The following PCSK6 variants were observed in gnomAD, a reference collection of about 807,000 sequenced individuals.
PCSK6 encodes the protein proprotein convertase subtilisin/kexin type 6.
Under a neutral mutation model 123.3 loss-of-function variants are expected in PCSK6, and 85 were observed. The ratio of observed to expected loss-of-function variants is 0.69; its 90% confidence interval spans 0.58 to 0.83. PCSK6 has a LOEUF of 0.83. PCSK6 is among the 40% of genes least tolerant of loss of function. PCSK6 has a pLI of 0.00. For synonymous variants in PCSK6, 508 were observed against 516.0 expected (o/e 0.98, Z 0.21); for missense variants, 1,191 against 1,282.3 (o/e 0.93, Z 1.09).
chr15:101,352,028 A>G (rs1365809274), intron 13 of PCSK6, among the ~76,000 whole-genome samples: 2 of 151,974 alleles, frequency 1.3e-5, no homozygotes, highest in Non-Finnish European at 2.9e-5. Flanking sequence ...AACATTTACT[A>G]TCTGACCCTT....
At chr15:101,375,864 G>A (rs1375340082) in intron 11 of PCSK6, among the ~76,000 whole-genome samples, 2 of 152,028 alleles carry the variant, frequency 1.3e-5, no homozygotes, top group East Asian at 1.9e-4. Context: ...GTGAAAGCCC[G>A]TCTCTACTAA....
chr15:101,404,438 G>A (rs2042707757), intron 6 of PCSK6, among the ~76,000 whole-genome samples: 1 of 152,150 alleles, frequency 6.6e-6, no homozygotes, highest in South Asian at 2.1e-4. Flanking sequence ...CATCTCCATG[G>A]CTGTGTCAGG....
intron 1 of PCSK6, among the ~76,000 whole-genome samples, chr15:101,488,948 T>C (rs1345385420): frequency 2.0e-4 from 29 of 146,370 alleles, no homozygotes; most frequent in African/African-American, 6.8e-4. Context: ...GAGGGGCCGC[T>C]CCCCCGCGGG....
At chr15:101,420,093 A>G (rs921798280) in intron 6 of PCSK6, among the ~76,000 whole-genome samples, 2 of 150,166 alleles carry the variant, frequency 1.3e-5, no homozygotes, top group Non-Finnish European at 3.0e-5. Flanking sequence ...CGGGAGGCTG[A>G]GGCAGGAGAA....
chr15:101,312,809 C>T (rs964462241), intron 20 of PCSK6, among the ~76,000 whole-genome samples: 11 of 139,400 alleles, frequency 7.9e-5, no homozygotes, highest in South Asian at 2.2e-4. Context: ...CCAGCCTGGG[C>T]GACAGGCGAG....
chr15:101,382,294 A>C (rs1468101134), intron 10 of PCSK6, 85 bp from the exon 11 acceptor site: 5 of 1,066,192 alleles, frequency 4.7e-6, no homozygotes, highest in Non-Finnish European at 5.5e-6. Flanking sequence ...GCCGGGCCCC[A>C]TGGAGGACAG....
intron 16 of PCSK6, among the ~76,000 whole-genome samples, chr15:101,325,488 C>CGG (rs2040231908): frequency 6.6e-6 from 1 of 152,196 alleles, no homozygotes; most frequent in Non-Finnish European, 1.5e-5. Flanking sequence ...CACATGGGCA[C>CGG]CCGGCTTGAC....
rs528955896 is a variant in PCSK6 at position 101,392,249 on chromosome 15, C to T, written c.1209+963G>A. Among the ~76,000 whole-genome samples the T allele has an allele frequency of 9.9e-5, 15 of 152,278 alleles. No homozygotes were observed. The South Asian group carries it at 3.1e-3, about 32-fold the overall frequency. On this transcript the variant is annotated intron_variant, in intron 8 of 21. Transcript: ENST00000611716. Reference sequence around the variant, plus strand: ...ATCTCAGCTGCCCGTCCCAGGGGTGCGTACTCCAGCAGAAAAGGAAAATAA... The same window carrying T: ...ATCTCAGCTGCCCGTCCCAGGGGTGTGTACTCCAGCAGAAAAGGAAAATAA...
rs190272139 is a variant in PCSK6, at chr15:101,371,795, G to A, written c.1533-1272C>T. 1.3e-3 allele frequency among the ~76,000 whole-genome samples: 200 copies of A among 152,318 alleles called. 2 individuals are homozygous for A. Among genetic ancestry groups the A allele is most frequent in the Non-Finnish European group, 4.4e-4 (30 of 68,032 alleles). Reference sequence around the variant, plus strand: ...CAGTCAAGGACACAGCTCGGAGTTCGGAGGCTGCCCTCTCATGCTGATCGA... The same window carrying A: ...CAGTCAAGGACACAGCTCGGAGTTCAGAGGCTGCCCTCTCATGCTGATCGA... On this transcript the variant is annotated intron_variant, in intron 11 of 21. Coordinates refer to ENST00000611716, the MANE Select transcript of PCSK6 (RefSeq NM_002570.5).
At position 101,332,150 on chromosome 15, in the gene PCSK6, C is replaced by T. The variant is rs2040384993; in HGVS notation, c.1859-119G>A. 8.1e-6 allele frequency: 7 copies of T among 867,018 alleles called. No individual in the cohort carries two copies. The South Asian group carries it at 1.1e-4, about 14-fold the overall frequency. 53.7% of individuals were successfully genotyped at this position (867,018 alleles called of 1,614,324 possible). A position where few individuals can be genotyped will look rare whatever the true frequency, so the allele number is the denominator to read the frequency against. On this transcript the variant is annotated intron_variant, in intron 13 of 21. Transcript: ENST00000611716. The stretch of plus-strand genomic sequence containing the variant: ...TAGCTGGGCTCTGGCCTGCTACCTT[C>T]ACTTCCTGGTTACCTGCTGGCCAGC...
intron 1 of PCSK6, among the ~76,000 whole-genome samples, chr15:101,445,482 T>C (rs142738667): frequency 2.0e-5 from 3 of 152,218 alleles, no homozygotes; most frequent in Admixed American, 2.0e-4. Context: ...TCTGCCATCA[T>C]AAACCTCATT....
At chr15:101,348,182 C>A (rs1304611460) in intron 13 of PCSK6, among the ~76,000 whole-genome samples, 1 of 152,210 alleles carries the variant, frequency 6.6e-6, no homozygotes, top group African/African-American at 2.4e-5. Context: ...CCGGCCCCTG[C>A]GCCTCCGCTG....
At chr15:101,466,148 G>A (rs8026048) in intron 1 of PCSK6, among the ~76,000 whole-genome samples, 122,013 of 152,122 alleles carry the variant, frequency 0.8, 49,281 homozygotes, top group Non-Finnish European at 0.84. Flanking sequence ...CAAGTCACGT[G>A]TCTGATAAAG....
chr15:101,395,025 G>A (rs1325642065), intron 7 of PCSK6, among the ~76,000 whole-genome samples: 2 of 152,214 alleles, frequency 1.3e-5, no homozygotes, highest in Non-Finnish European at 2.9e-5. Context: ...CCTGCAGGAA[G>A]AGATTCAGCT....
chr15:101,326,357 G>A lies in PCSK6; in HGVS notation c.2180+20C>T. The A allele has an allele frequency of 6.5e-7, 1 of 1,547,766 alleles. No homozygotes were observed. Among genetic ancestry groups the A allele is most frequent in the Non-Finnish European group, 8.8e-7 (1 of 1,141,618 alleles). On this transcript the variant is annotated intron_variant, in intron 16 of 21. Coordinates refer to ENST00000611716, the MANE Select transcript of PCSK6 (RefSeq NM_002570.5). Reference sequence around the variant, plus strand: ...AAAGTCACTGAGTGGTGAGCCACAGGGCTGCGGGACATGCATTACCTGCTG... The same window carrying A: ...AAAGTCACTGAGTGGTGAGCCACAGAGCTGCGGGACATGCATTACCTGCTG...
intron 1 of PCSK6, among the ~76,000 whole-genome samples, chr15:101,452,516 G>C (rs573050672): frequency 3.3e-5 from 5 of 152,172 alleles, no homozygotes; most frequent in Non-Finnish European, 7.3e-5. Context: ...AAAAATTCCA[G>C]TCTAAAGTCA....
At chr15:101,439,218 T>C (rs2056689501) in intron 2 of PCSK6, among the ~76,000 whole-genome samples, 1 of 152,242 alleles carries the variant, frequency 6.6e-6, no homozygotes, top group Non-Finnish European at 1.5e-5. Flanking sequence ...TGCAGTGGAA[T>C]GCGGATGAGC....
intron 1 of PCSK6, among the ~76,000 whole-genome samples, chr15:101,446,780 C>T (rs1033259891): frequency 2.6e-5 from 4 of 152,342 alleles, no homozygotes; most frequent in Admixed American, 6.5e-5. Flanking sequence ...GGTCCATACA[C>T]GGAGTGACTC....
At position 101,443,560 on chromosome 15, in the gene PCSK6, G is replaced by A. The variant is rs748589689; in HGVS notation, c.398C>T (p.Pro133Leu). The change falls in exon 2 of 22, where the codon CCC becomes CTC. Residue 133 changes from proline (P) to leucine (L), a missense_variant. By Grantham distance (98) the Pro-to-Leu change is moderately conservative. Transcript: ENST00000611716. ...AAGCATCCGGACACTCTGTACCTGG[G>A]GGTCCATTCTGAGGAAGGTGTGAGG... Reference protein sequence around the residue: ...RGPHTFLRMDPQVKWLQQQEV... With the variant: ...RGPHTFLRMDLQVKWLQQQEV... 5 of 1,609,532 alleles carry A rather than the reference G, an allele frequency of 3.1e-6. No individual in the cohort carries two copies. Among genetic ancestry groups the A allele is most frequent in the Non-Finnish European group, 3.4e-6 (4 of 1,175,950 alleles).
Sources: allele counts gnomAD v4.1 joint callset (sites outside exome capture counted in the v4.1 genomes callset), GRCh38; gene constraint gnomAD v4.1.1; transcripts MANE v1.5; gene names NCBI Gene and HGNC (gene_info 2026-07-23, HGNC 2026-07-21).